Variants in CCDC93 observed in about 807,000 individuals in gnomAD.
CCDC93 encodes the protein coiled-coil domain-containing protein 93.
Under a neutral mutation model 108.2 loss-of-function variants are expected in CCDC93, and 61 were observed. The observed-to-expected ratio is 0.56, with a 90% CI of 0.46 to 0.70. The LOEUF is 0.70. Ranked by LOEUF, CCDC93 falls within the 30% of genes least tolerant of loss-of-function variation. CCDC93 has a pLI of 0.00. For synonymous variants in CCDC93, 276 were observed against 260.4 expected, an observed-to-expected ratio of 1.06 and a Z score of -0.58; for missense variants, 685 against 764.2, an observed-to-expected ratio of 0.90 and a Z score of 1.22.
chr2:117,983,490 TG>T (rs1271887515), intron 7 of CCDC93, among the ~76,000 whole-genome samples: 2 of 152,052 alleles, frequency 1.3e-5, no homozygotes, highest in Non-Finnish European at 2.9e-5. Flanking sequence ...CAAGGAGAAC[TG>T]TAAGGGGAAA....
intron 1 of CCDC93, among the ~76,000 whole-genome samples, chr2:118,011,538 A>G (rs972295914): frequency 6.6e-6 from 1 of 152,216 alleles, no homozygotes; most frequent in Non-Finnish European, 1.5e-5. Flanking sequence ...GAAGCTAAAG[A>G]GTAGTTGTAG....
chr2:117,936,774 C>T (rs1369000588), intron 20 of CCDC93, 35 bp from the exon 21 acceptor site: 3 of 1,588,556 alleles, frequency 1.9e-6, no homozygotes, highest in South Asian at 2.2e-5. Context: ...AATTATAAGA[C>T]AGGCAAAAAG....
At chr2:117,965,072 ATTATG>A (rs934279537) in intron 11 of CCDC93, among the ~76,000 whole-genome samples, 2 of 152,204 alleles carry the variant, frequency 1.3e-5, no homozygotes, top group African/African-American at 2.4e-5. Context: ...TGCAACACCT[ATTATG>A]TTATGTGAGG....
At chr2:117,989,248 T>A (rs1288318502) in intron 6 of CCDC93, among the ~76,000 whole-genome samples, 1 of 152,220 alleles carries the variant, frequency 6.6e-6, no homozygotes, top group Non-Finnish European at 1.5e-5. Context: ...TTCATAGGTC[T>A]CTGACCACAG....
At position 117,931,154 on chromosome 2, in the gene CCDC93, T is replaced by C. The variant is rs963688285; in HGVS notation, c.1729-4A>G. The C allele has an allele frequency of 9.3e-6, 15 of 1,604,438 alleles. No individual in the cohort carries two copies. The highest frequency in any genetic ancestry group is 1.3e-5 in the Non-Finnish European group (15 of 1,171,330). On this transcript the variant is annotated splice_polypyrimidine_tract_variant and splice_region_variant and intron_variant, in intron 22 of 23. Transcript: ENST00000376300. The stretch of plus-strand genomic sequence containing the variant: ...TCTCTTGCTTTTTCTTTTCCATCTG[T>C]TGAAACATTGTGGGAAATGGTGATG...
At chr2:117,987,085 C>G (rs948776118) in intron 6 of CCDC93, among the ~76,000 whole-genome samples, 5 of 150,860 alleles carry the variant, frequency 3.3e-5, no homozygotes, top group Non-Finnish European at 7.4e-5. Context: ...CATACTGACA[C>G]CAACAGCTAA....
At chr2:117,962,749 T>C (rs1258132019) in intron 11 of CCDC93, among the ~76,000 whole-genome samples, 1 of 152,266 alleles carries the variant, frequency 6.6e-6, no homozygotes, top group African/African-American at 2.4e-5. Context: ...GGCCAAAAAG[T>C]AACTGAAAGT....
intron 23 of CCDC93, among the ~76,000 whole-genome samples, chr2:117,923,232 C>G (rs775360678): frequency 6.6e-6 from 1 of 152,062 alleles, no homozygotes; most frequent in Non-Finnish European, 1.5e-5. Context: ...ACTGAGGTAC[C>G]GGGTTCACCT....
At chr2:117,984,213 C>CA (rs1481200555) in intron 7 of CCDC93, among the ~76,000 whole-genome samples, 3 of 151,772 alleles carry the variant, frequency 2.0e-5, no homozygotes, top group Middle Eastern at 3.2e-3. Context: ...CTCTCCCACC[C>CA]AAAAAAAACC....
chr2:117,946,860 T>G lies in CCDC93; in HGVS notation c.1247A>C (p.Gln416Pro), dbSNP rs1290697981. The part of the protein sequence containing the change: ...HCREEMTRLQ[Q>P]EIENLKAERA... ...CTCAGCTTTCAGGTTTTCAATTTCT[T>G]GCTGTAGTCGTGTCATCTCCTCCTT... is the stretch of plus-strand genomic sequence containing the variant. Residue 416 changes from glutamine to proline, a missense_variant, in exon 16 of 24, where the codon CAA becomes CCA. Transcript: ENST00000376300. 6.2e-7 allele frequency: 1 copy of G among 1,613,670 alleles called. No homozygotes were observed. Among genetic ancestry groups the G allele is most frequent in the African/African-American group, 1.3e-5 (1 of 74,944 alleles).
chr2:117,926,681 A>G (rs949033767), intron 23 of CCDC93, among the ~76,000 whole-genome samples: 13 of 152,374 alleles, frequency 8.5e-5, no homozygotes, highest in African/African-American at 2.9e-4. Flanking sequence ...GCCAAATTCT[A>G]CCAGAGGTAC....
rs74814551 is a variant in CCDC93 at position 118,001,881 on chromosome 2, T to C, written c.252-949A>G. The stretch of plus-strand genomic sequence containing the variant: ...TATGTGATTCCTGTTTCTTATACTA[T>C]CTTAATTGGATCAGACTCAAGGGGA... On this transcript the variant is annotated intron_variant, in intron 3 of 23. Coordinates refer to ENST00000376300, the MANE Select transcript of CCDC93 (RefSeq NM_019044.5). Among the ~76,000 whole-genome samples the C allele has an allele frequency of 6.9e-3, 1,058 of 152,300 alleles. 18 individuals carry two copies. Among genetic ancestry groups the C allele is most frequent in the African/African-American group, 0.024 (988 of 41,558 alleles).
At chr2:117,947,850 C>T (rs1054232550) in intron 15 of CCDC93, among the ~76,000 whole-genome samples, 6 of 152,108 alleles carry the variant, frequency 3.9e-5, no homozygotes, top group East Asian at 1.9e-4. Flanking sequence ...CCAGCCACCA[C>T]GCCCAGCTAA....
chr2:117,991,725 G>A (rs1680479889), intron 6 of CCDC93, among the ~76,000 whole-genome samples: 1 of 152,144 alleles, frequency 6.6e-6, no homozygotes. Context: ...AAAACGCTGG[G>A]TCTAAAAACT....
rs144375313 is a variant in CCDC93, at chr2:117,995,259, C to T, written c.519+187G>A. The T allele has an allele frequency of 6.5e-3, 3,928 of 608,502 alleles. 56 individuals are homozygous for T. The highest frequency in any genetic ancestry group is 5.7e-3 in the Non-Finnish European group (1,930 of 339,652). The allele number at this position is 608,502 out of a possible 1,614,324, so 37.7% of individuals were successfully genotyped here. Reference sequence around the variant, plus strand: ...AGAACAGTAGTGTGGCAGGTTCTCCCTGTGCATACTGGTGTCCTGGCCCTG... The same window carrying T: ...AGAACAGTAGTGTGGCAGGTTCTCCTTGTGCATACTGGTGTCCTGGCCCTG... On this transcript the variant is annotated intron_variant, in intron 6 of 23. Coordinates refer to ENST00000376300, the MANE Select transcript of CCDC93 (RefSeq NM_019044.5).
chr2:117,975,102 C>A, intron 9 of CCDC93, 86 bp downstream of exon 9: 1 of 1,240,452 alleles, frequency 8.1e-7, no homozygotes, highest in Non-Finnish European at 1.2e-6. Context: ...GAGGTGGTGG[C>A]CATTTGGGAA....
rs761953219 is a variant in CCDC93 at position 117,935,506 on chromosome 2, T to C, written c.1717A>G (p.Ser573Gly). ...MEQIVEGIKQ[S>G]RMKMEKKKQE... ...AGAAGCCATCTGACCTTCATTCTACTTTGCTTAATTCCTTCCACAATCTGT... is the reference window on the plus strand; with the variant it reads ...AGAAGCCATCTGACCTTCATTCTACCTTGCTTAATTCCTTCCACAATCTGT... The change falls in exon 22 of 24, where the codon AGT (serine) becomes GGT (glycine). Residue 573 changes from serine to glycine, a missense_variant. Coordinates refer to ENST00000376300, the MANE Select transcript of CCDC93 (RefSeq NM_019044.5). The C allele has an allele frequency of 3.1e-6, 5 of 1,613,162 alleles. No individual in the cohort carries two copies. In the South Asian group the frequency reaches 4.4e-5, roughly 14 times the overall value.
rs1054818150 is a variant in CCDC93 at position 118,013,942 on chromosome 2, A to C, written c.42+12T>G. ...AACCCCGACGTGTCAGGGAAGGAGG[A>C]GGCGTTCTTACCTCCGGGAGACCCT... On this transcript the variant is annotated intron_variant, in intron 1 of 23. Coordinates refer to ENST00000376300, the MANE Select transcript of CCDC93 (RefSeq NM_019044.5). 4.4e-6 allele frequency: 7 copies of C among 1,576,686 alleles called. No homozygotes were observed. Among genetic ancestry groups the C allele is most frequent in the African/African-American group, 2.7e-5 (2 of 73,138 alleles).
chr2:117,956,321 A>G (rs1679216381), intron 12 of CCDC93, among the ~76,000 whole-genome samples: 1 of 152,240 alleles, frequency 6.6e-6, no homozygotes, highest in Non-Finnish European at 1.5e-5. Context: ...AGTGTTCTGA[A>G]CCAACTGCAA....
Sources: gnomAD v4.1 joint callset for allele counts (sites outside exome capture counted in the v4.1 genomes callset) on GRCh38, gnomAD v4.1.1 for gene constraint, MANE v1.5 for transcripts, NCBI Gene and HGNC (gene_info 2026-07-23, HGNC 2026-07-21) for gene names.